The following CLSTN3 variants were observed in gnomAD, a reference collection of about 807,000 sequenced individuals.
CLSTN3 encodes calsyntenin 3, also known as calsyntenin-3.
In CLSTN3, 36 loss-of-function variants were observed where a neutral mutation model predicts 95.9. That is an observed-to-expected ratio of 0.38 (90% CI 0.29 to 0.50). The LOEUF is 0.50. CLSTN3 is among the 20% of genes least tolerant of loss of function. The pLI, the probability that CLSTN3 is intolerant of heterozygous loss-of-function variation, is 0.95. For missense variants in CLSTN3, 1,084 were observed against 1,268.8 expected (o/e 0.85, Z 2.21); for synonymous variants, 481 against 504.0 (o/e 0.95, Z 0.61).
Position 7,149,720 on chromosome 12 carries a change from CTGTG to C in CLSTN3, c.2245+36_2245+39del. On this transcript the variant is annotated intron_variant, in intron 14 of 17. Transcript: ENST00000266546. This position sits in a 1 kb window ranked among gnomAD's most constrained non-coding sequence, Gnocchi z 4.5. Reference sequence around the variant, plus strand: ...TCAGTGGGGCCTGAGGGCCTGTCCTCTGTGTGTGTGTGCCCCTCCCAAAAAGTAA... The same window carrying C: ...TCAGTGGGGCCTGAGGGCCTGTCCTCTGTGTGTGCCCCTCCCAAAAAGTAA... The C allele has an allele frequency of 6.3e-7, 1 of 1,598,180 alleles. No homozygotes were observed.
In CLSTN3 at chr12:7,149,278, C is replaced by A; in HGVS notation, c.2074+80C>A. The A allele has an allele frequency of 8.0e-7, 1 of 1,250,340 alleles. No homozygotes were observed. The highest frequency in any genetic ancestry group is 1.1e-6 in the Non-Finnish European group (1 of 872,738). 77.5% of individuals were successfully genotyped at this position (1,250,340 alleles called of 1,614,324 possible). On this transcript the variant is annotated intron_variant, in intron 13 of 17. Transcript: ENST00000266546. The surrounding 1 kb of genome is among the most constrained non-coding windows in gnomAD (Gnocchi z 4.5). Reference sequence around the variant, plus strand: ...TCAGAGTGTGGGAGAACTCCTGGGGCTGGAAGCAGAAAGCGACTCCATCCT... The same window carrying A: ...TCAGAGTGTGGGAGAACTCCTGGGGATGGAAGCAGAAAGCGACTCCATCCT...
rs1939699360 is a variant in CLSTN3 at position 7,150,185 on chromosome 12, C to A, written c.2246-359C>A. Reference sequence around the variant, plus strand: ...GAAGATGGAGATAATCAGTTCCCTTCTATTTCCACTCCTTTCCAGGGCTCA... The same window carrying A: ...GAAGATGGAGATAATCAGTTCCCTTATATTTCCACTCCTTTCCAGGGCTCA... On this transcript the variant is annotated intron_variant, in intron 14 of 17. Coordinates refer to ENST00000266546, the MANE Select transcript of CLSTN3 (RefSeq NM_014718.4). This position sits in a 1 kb window ranked among gnomAD's most constrained non-coding sequence, Gnocchi z 4.0. 6.6e-6 allele frequency among the ~76,000 whole-genome samples: 1 copy of A among 152,236 alleles called. No homozygotes were observed. Among genetic ancestry groups the A allele is most frequent in the Non-Finnish European group, 1.5e-5 (1 of 68,042 alleles).
intron 3 of CLSTN3, among the ~76,000 whole-genome samples, chr12:7,134,358 C>T (rs1476536279): frequency 1.3e-5 from 2 of 152,248 alleles, no homozygotes; most frequent in African/African-American, 2.4e-5. Flanking sequence ...GGGACACCTA[C>T]GCTTGTTGCC....
In CLSTN3 at chr12:7,133,054, A is replaced by G; in HGVS notation, c.95A>G (p.Glu32Gly). 1.2e-6 allele frequency: 2 copies of G among 1,613,966 alleles called. No homozygotes were observed. The highest frequency in any genetic ancestry group is 1.7e-6 in the Non-Finnish European group (2 of 1,179,930). The stretch of plus-strand genomic sequence containing the variant: ...AAGCACAAGCCATGGATTGAGGCAG[A>G]GTACCAGGGCATCGTCATGGAGAAT... ...ANKHKPWIEA[E>G]YQGIVMENDN... Residue 32 changes from glutamate to glycine, a missense_variant, in exon 2 of 18, where the codon GAG becomes GGG. Physicochemically the swap from Glu to Gly is moderately conservative, Grantham distance 98. Transcript: ENST00000266546. The surrounding 1 kb of genome is among the most constrained non-coding windows in gnomAD (Gnocchi z 4.7).
At position 7,148,952 on chromosome 12, in the gene CLSTN3, T is replaced by G. The variant is rs370474014; in HGVS notation, c.1848-20T>G. The G allele has an allele frequency of 6.8e-5, 109 of 1,607,338 alleles. No individual in the cohort carries two copies. The African/African-American group carries it at 1.3e-3, about 20-fold the overall frequency. On this transcript the variant is annotated intron_variant, in intron 12 of 17. Coordinates refer to ENST00000266546, the MANE Select transcript of CLSTN3 (RefSeq NM_014718.4). ...GGAAGTGTTGGGGTCACATGCTGCT[T>G]CTCCTGCTTTCTTACATAGGTGCTT...
rs368087485 is a variant in CLSTN3 at position 7,135,547 on chromosome 12, C to T, written c.592+12C>T. On this transcript the variant is annotated intron_variant, in intron 4 of 17. Coordinates refer to ENST00000266546, the MANE Select transcript of CLSTN3 (RefSeq NM_014718.4). Reference sequence around the variant, plus strand: ...CATTGACAATGACGGTGAGTCCACCCCTGGCTTCCCTGGCCACCCAGTTCC... The same window carrying T: ...CATTGACAATGACGGTGAGTCCACCTCTGGCTTCCCTGGCCACCCAGTTCC... 1.8e-5 allele frequency: 29 copies of T among 1,612,082 alleles called. No homozygotes were observed. In the African/African-American group the frequency reaches 3.6e-4, roughly 20 times the overall value.
intron 1 of CLSTN3, chr12:7,132,790 C>T: frequency 1.6e-6 from 1 of 608,236 alleles, no homozygotes; most frequent in Non-Finnish European, 2.9e-6. Context: ...CAGGTTGTTT[C>T]CATGGGAACT....
chr12:7,152,516 G>C (rs918749824), intron 16 of CLSTN3, among the ~76,000 whole-genome samples: 2 of 152,176 alleles, frequency 1.3e-5, no homozygotes, highest in Non-Finnish European at 2.9e-5. Context: ...AGAGTCAAAA[G>C]GTTGTGTCAC....
chr12:7,143,141 TG>T, intron 11 of CLSTN3, 21 bp from the exon 12 acceptor site: 3 of 1,609,844 alleles, frequency 1.9e-6, no homozygotes, highest in African/African-American at 1.3e-5. Context: ...TGCTCTCAGC[TG>T]TATCTGTGTC....
intron 12 of CLSTN3, among the ~76,000 whole-genome samples, chr12:7,145,731 G>A (rs4883422): frequency 0.66 from 100,147 of 151,992 alleles, 34,708 homozygotes; most frequent in Non-Finnish European, 0.77. Context: ...CACCTCAACC[G>A]AAAGAGCTAA....
At chr12:7,152,998 G>A (rs1408816751) in intron 16 of CLSTN3, among the ~76,000 whole-genome samples, 4 of 152,182 alleles carry the variant, frequency 2.6e-5, no homozygotes, top group Admixed American at 1.3e-4. Context: ...GCTTCCCAGG[G>A]TTTTCTGACT....
At position 7,135,786 on chromosome 12, in the gene CLSTN3, C is replaced by T. The variant is rs1372059894; in HGVS notation, c.593-18C>T. 7 of 1,591,374 alleles carry T rather than the reference C, an allele frequency of 4.4e-6. No homozygotes were observed. Among genetic ancestry groups the T allele is most frequent in the East Asian group, 2.2e-5 (1 of 44,702 alleles). ...TTCTCCAATGCTCTAATGCTCTGTCCTCCTGACCCCACCCCAGGGAACATT... is the reference window on the plus strand; with the variant it reads ...TTCTCCAATGCTCTAATGCTCTGTCTTCCTGACCCCACCCCAGGGAACATT... On this transcript the variant is annotated intron_variant, in intron 4 of 17. Coordinates refer to ENST00000266546, the MANE Select transcript of CLSTN3 (RefSeq NM_014718.4).
At chr12:7,148,207 A>T (rs1225777895) in intron 12 of CLSTN3, among the ~76,000 whole-genome samples, 1 of 141,722 alleles carries the variant, frequency 7.1e-6, no homozygotes, top group Admixed American at 6.9e-5. Context: ...AAAGAAAGAA[A>T]GAAAGAAATG....
rs755769550 is a variant in CLSTN3, at chr12:7,157,400, G to A, written c.2528-89G>A. ...TTCTGCCCTGGGAGTCCTTCAGCCC[G>A]GGCTGCCTCTTTTCCTACCCAGCCC... On this transcript the variant is annotated intron_variant, in intron 16 of 17. Coordinates refer to ENST00000266546, the MANE Select transcript of CLSTN3 (RefSeq NM_014718.4). The surrounding 1 kb of genome is among the most constrained non-coding windows in gnomAD (Gnocchi z 5.9). 1.7e-4 allele frequency: 195 copies of A among 1,176,378 alleles called. No individual in the cohort carries two copies. Among genetic ancestry groups the A allele is most frequent in the Non-Finnish European group, 2.1e-4 (181 of 853,188 alleles). 72.9% of individuals were successfully genotyped at this position (1,176,378 alleles called of 1,614,324 possible).
At position 7,149,218 on chromosome 12, in the gene CLSTN3, G is replaced by A. The variant is rs764804477; in HGVS notation, c.2074+20G>A. The A allele has an allele frequency of 1.6e-5, 25 of 1,569,342 alleles. No individual in the cohort carries two copies. Among genetic ancestry groups the A allele is most frequent in the Admixed American group, 6.8e-5 (4 of 58,420 alleles). ...GCACAGGTAAGGACGACTTCGGGGAGTAACACCATCCAGAGAACCAGCCAG... is the reference window on the plus strand; with the variant it reads ...GCACAGGTAAGGACGACTTCGGGGAATAACACCATCCAGAGAACCAGCCAG... On this transcript the variant is annotated intron_variant, in intron 13 of 17. Transcript: ENST00000266546. The surrounding 1 kb of genome is among the most constrained non-coding windows in gnomAD (Gnocchi z 4.5).
At chr12:7,147,389 ACT>A (rs1399163721) in intron 12 of CLSTN3, among the ~76,000 whole-genome samples, 1 of 81,948 alleles carries the variant, frequency 1.2e-5, no homozygotes, top group Admixed American at 1.3e-4. Flanking sequence ...ACAGAGAGAG[ACT>A]CTGCCAAAAA....
chr12:7,136,687 C>T (rs1057445102), intron 6 of CLSTN3, 142 bp from the exon 7 acceptor site: 79 of 913,126 alleles, frequency 8.7e-5, no homozygotes, highest in Non-Finnish European at 6.3e-5. Context: ...TCATCCCTCT[C>T]TTGTCTTTGA....
In CLSTN3 at chr12:7,149,186, T is replaced by C. The variant is rs1946796436; in HGVS notation, c.2062T>C (p.Trp688Arg). 6.2e-7 allele frequency: 1 copy of C among 1,613,838 alleles called. No homozygotes were observed. Among genetic ancestry groups the C allele is most frequent in the Non-Finnish European group, 8.5e-7 (1 of 1,179,892 alleles). Residue 688 changes from tryptophan to arginine, a missense_variant, in exon 13 of 18, where the codon TGG (tryptophan) becomes CGG (arginine). By Grantham distance (101) the Trp-to-Arg change is moderately radical. Transcript: ENST00000266546. The surrounding 1 kb of genome is among the most constrained non-coding windows in gnomAD (Gnocchi z 4.5). ...HQVEAKKDES[W>R]QGTVTDTRMS... The stretch of plus-strand genomic sequence containing the variant: ...GGTGGAGGCCAAAAAGGATGAGAGT[T>C]GGCAGGGCACAGGTAAGGACGACTT...
At chr12:7,134,077 G>C (rs866890424) in intron 3 of CLSTN3, among the ~76,000 whole-genome samples, 7 of 152,194 alleles carry the variant, frequency 4.6e-5, no homozygotes, top group African/African-American at 1.7e-4. Context: ...TACTTCATAA[G>C]GCTGCTGTGA....
Sources: gnomAD v4.1 joint callset for allele counts (sites outside exome capture counted in the v4.1 genomes callset) on GRCh38, gnomAD v4.1.1 for gene constraint, Gnocchi (gnomAD v3.1) non-coding constraint, MANE v1.5 for transcripts, NCBI Gene and HGNC (gene_info 2026-07-23, HGNC 2026-07-21) for gene names.